The following LAMA2 variants were observed in gnomAD, a reference collection of about 807,000 sequenced individuals.
LAMA2 encodes the protein laminin subunit alpha 2.
In LAMA2, 269 loss-of-function variants were observed where a neutral mutation model predicts 364.8. The ratio of observed to expected loss-of-function variants is 0.74; its 90% confidence interval spans 0.67 to 0.82. The LOEUF is 0.82. Among genes scored for constraint, LAMA2 ranks in the 40% least tolerant of loss-of-function variants. The pLI is 0.00. For synonymous variants in LAMA2, 1,379 were observed against 1,370.6 expected, an observed-to-expected ratio of 1.01 and a Z score of -0.14; for missense variants, 3,807 against 3,873.2, an observed-to-expected ratio of 0.98 and a Z score of 0.45.
intron 23 of LAMA2, 66 bp downstream of exon 23, chr6:129,313,163 A>G: frequency 2.0e-6 from 2 of 983,900 alleles, no homozygotes; most frequent in Non-Finnish European, 3.1e-6. Flanking sequence ...CTCAGTTTTA[A>G]CTTCATTCAG....
intron 1 of LAMA2, among the ~76,000 whole-genome samples, chr6:128,993,677 T>G (rs4370390): frequency 0.34 from 52,161 of 151,952 alleles, 10,781 homozygotes; most frequent in African/African-American, 0.58. Flanking sequence ...AACATAAACT[T>G]TACAATATAT....
intron 3 of LAMA2, among the ~76,000 whole-genome samples, chr6:129,074,758 T>C (rs1274096653): frequency 6.6e-6 from 1 of 152,206 alleles, no homozygotes; most frequent in Non-Finnish European, 1.5e-5. Context: ...TATTGGAACA[T>C]TTTGATGGAT....
intron 32 of LAMA2, among the ~76,000 whole-genome samples, chr6:129,356,934 G>T (rs1160853929): frequency 6.6e-6 from 1 of 152,018 alleles, no homozygotes; most frequent in East Asian, 1.9e-4. Context: ...CTAGCTGGGT[G>T]CCCAGATTAA....
intron 1 of LAMA2, among the ~76,000 whole-genome samples, chr6:129,045,219 A>G (rs547989409): frequency 6.6e-6 from 1 of 152,320 alleles, no homozygotes. Context: ...TTGAGCACAT[A>G]ATCAGTAACT....
At chr6:129,083,931 T>A (rs1200890328) in intron 3 of LAMA2, among the ~76,000 whole-genome samples, 1 of 152,212 alleles carries the variant, frequency 6.6e-6, no homozygotes, top group East Asian at 1.9e-4. Context: ...TGAGAAAAGA[T>A]ACACACGATT....
intron 22 of LAMA2, among the ~76,000 whole-genome samples, chr6:129,301,342 T>C (rs1217867650): frequency 6.6e-6 from 1 of 152,140 alleles, no homozygotes; most frequent in South Asian, 2.1e-4. Context: ...TGGTAGACCA[T>C]AGAAATTGAC....
At chr6:129,300,297 A>C (rs1773470333) in intron 21 of LAMA2, among the ~76,000 whole-genome samples, 1 of 152,190 alleles carries the variant, frequency 6.6e-6, no homozygotes, top group Non-Finnish European at 1.5e-5. Context: ...AAGCTTATTA[A>C]GCTTATTGGT....
intron 53 of LAMA2, among the ~76,000 whole-genome samples, chr6:129,475,701 C>T: frequency 6.6e-6 from 1 of 152,054 alleles, no homozygotes; most frequent in African/African-American, 2.4e-5. Flanking sequence ...CAGCAGCACA[C>T]ACTCAAAAGG....
At chr6:129,271,948 T>C (rs1199471149) in intron 17 of LAMA2, among the ~76,000 whole-genome samples, 1 of 152,186 alleles carries the variant, frequency 6.6e-6, no homozygotes, top group Non-Finnish European at 1.5e-5. Context: ...GAGATAATTC[T>C]AACATTAAGT....
intron 1 of LAMA2, among the ~76,000 whole-genome samples, chr6:128,966,552 G>A (rs1781854791): frequency 6.6e-6 from 1 of 150,804 alleles, no homozygotes; most frequent in Non-Finnish European, 1.5e-5. Context: ...TCTTGGGTAA[G>A]GCCTCAGAGA....
At chr6:128,900,661 T>C (rs556949869) in intron 1 of LAMA2, among the ~76,000 whole-genome samples, 1 of 152,306 alleles carries the variant, frequency 6.6e-6, no homozygotes, top group African/African-American at 2.4e-5. Flanking sequence ...ATTAAATATT[T>C]AAATTTAAGT....
intron 1 of LAMA2, among the ~76,000 whole-genome samples, chr6:129,025,501 A>G (rs894141724): frequency 7.2e-5 from 11 of 152,174 alleles, no homozygotes; most frequent in African/African-American, 2.4e-4. Context: ...TAACATATCT[A>G]GAGGCAACTT....
chr6:129,224,515 A>G (rs924284710), intron 12 of LAMA2, among the ~76,000 whole-genome samples: 5 of 152,144 alleles, frequency 3.3e-5, no homozygotes, highest in Admixed American at 6.5e-5. Context: ...TTTGAGATAC[A>G]TCCCATCAAT....
At chr6:129,460,462 A>C in intron 49 of LAMA2, 138 bp downstream of exon 49, 2 of 897,322 alleles carry the variant, frequency 2.2e-6, no homozygotes, top group Admixed American at 3.8e-5. Context: ...GAATTACCAC[A>C]AAACTAATGA....
At position 129,312,875 on chromosome 6, in the gene LAMA2, C is replaced by T; in HGVS notation, c.3189C>T (p.Ser1063=). The T allele has an allele frequency of 6.2e-7, 1 of 1,613,540 alleles. No individual in the cohort carries two copies. Among genetic ancestry groups the T allele is most frequent in the Non-Finnish European group, 8.5e-7 (1 of 1,179,474 alleles). ...CTCCTCTATAGGCTTGTAACTGCAG[C>T]ACAGTGGGATCCTTGGATTTCCAAT... ...ITTGCKACNC[S]TVGSLDFQCN... Residue 1063 remains serine, a synonymous_variant, in exon 23 of 65, where the codon AGC becomes AGT. Coordinates refer to ENST00000421865, the MANE Select transcript of LAMA2 (RefSeq NM_000426.4).
chr6:129,283,692 T>G (rs1788892880), intron 18 of LAMA2, among the ~76,000 whole-genome samples: 1 of 151,336 alleles, frequency 6.6e-6, no homozygotes, highest in Non-Finnish European at 1.5e-5. Context: ...AGAAATTCCT[T>G]TTTGTATCTT....
At chr6:129,011,169 T>C (rs1246367769) in intron 1 of LAMA2, among the ~76,000 whole-genome samples, 1 of 152,158 alleles carries the variant, frequency 6.6e-6, no homozygotes, top group Non-Finnish European at 1.5e-5. Flanking sequence ...GTCACCCTGC[T>C]CATTTCACTT....
intron 9 of LAMA2, among the ~76,000 whole-genome samples, chr6:129,166,349 T>C (rs1779741009): frequency 6.6e-6 from 1 of 152,184 alleles, no homozygotes; most frequent in Admixed American, 6.5e-5. Flanking sequence ...ATTCATAGAA[T>C]GCACTGGGAC....
chr6:129,036,505 C>T (rs1012010000), intron 1 of LAMA2, among the ~76,000 whole-genome samples: 1 of 151,962 alleles, frequency 6.6e-6, no homozygotes, highest in Non-Finnish European at 1.5e-5. Context: ...GTATGGTTAG[C>T]TCTGTTTATT....
Sources: allele counts gnomAD v4.1 joint callset (sites outside exome capture counted in the v4.1 genomes callset), GRCh38; gene constraint gnomAD v4.1.1; transcripts MANE v1.5; gene names NCBI Gene and HGNC (gene_info 2026-07-23, HGNC 2026-07-21).